Variants in SUCLG2 observed in about 807,000 individuals in gnomAD.
SUCLG2 encodes succinate--CoA ligase [GDP-forming] subunit beta, mitochondrial.
Under a neutral mutation model 47.9 loss-of-function variants are expected in SUCLG2, and 42 were observed. The ratio of observed to expected loss-of-function variants is 0.88; its 90% confidence interval spans 0.69 to 1.14. The LOEUF is 1.14. Among genes scored for constraint, SUCLG2 ranks in the 50% most tolerant of loss-of-function variants. The pLI is 0.00. For synonymous variants in SUCLG2, 195 were observed against 197.3 expected (o/e 0.99, Z 0.10); for missense variants, 571 against 525.9 (o/e 1.09, Z -0.84).
chr3:67,396,518 T>G (rs1416893085), intron 10 of SUCLG2, among the ~76,000 whole-genome samples: 1 of 152,120 alleles, frequency 6.6e-6, no homozygotes, highest in African/African-American at 2.4e-5. Flanking sequence ...TCTGAAATTG[T>G]GGCAATAATC....
At chr3:67,615,070 A>G (rs764412933) in intron 1 of SUCLG2, among the ~76,000 whole-genome samples, 8 of 152,174 alleles carry the variant, frequency 5.3e-5, no homozygotes, top group Non-Finnish European at 8.8e-5. Flanking sequence ...GGGGAAAAAT[A>G]CAACTTAAAA....
At chr3:67,386,103 A>C (rs561331396) in intron 10 of SUCLG2, among the ~76,000 whole-genome samples, 1 of 152,164 alleles carries the variant, frequency 6.6e-6, no homozygotes, top group South Asian at 2.1e-4. Context: ...TTATTTATTT[A>C]TTTGAGACGG....
chr3:67,394,390 G>A (rs926348218), intron 10 of SUCLG2, among the ~76,000 whole-genome samples: 7 of 150,142 alleles, frequency 4.7e-5, no homozygotes, highest in South Asian at 2.1e-4. Context: ...AGCCTCAGGA[G>A]CCGATGCGAT....
chr3:67,536,251 A>G (rs1706538341), intron 2 of SUCLG2, among the ~76,000 whole-genome samples: 3 of 152,248 alleles, frequency 2.0e-5, no homozygotes, highest in Admixed American at 2.0e-4. Flanking sequence ...AATGTATGCA[A>G]TATATACACT....
intron 1 of SUCLG2, among the ~76,000 whole-genome samples, chr3:67,632,278 G>A (rs1222951057): frequency 6.6e-6 from 1 of 152,056 alleles, no homozygotes; most frequent in Non-Finnish European, 1.5e-5. Context: ...CCCTTCTTGG[G>A]TTCAAGCAAT....
chr3:67,547,708 G>A (rs891655085), intron 2 of SUCLG2, among the ~76,000 whole-genome samples: 1 of 146,974 alleles, frequency 6.8e-6, no homozygotes, highest in Non-Finnish European at 1.5e-5. Context: ...TATGCAAAGG[G>A]AACAATTTTC....
chr3:67,641,300 G>C (rs1701096239), intron 1 of SUCLG2, among the ~76,000 whole-genome samples: 1 of 152,168 alleles, frequency 6.6e-6, no homozygotes, highest in African/African-American at 2.4e-5. Context: ...GAAAACAAGT[G>C]CTGGAAGCAT....
At chr3:67,434,503 G>T (rs1703567625) in intron 9 of SUCLG2, among the ~76,000 whole-genome samples, 1 of 152,126 alleles carries the variant, frequency 6.6e-6, no homozygotes, top group African/African-American at 2.4e-5. Flanking sequence ...ATTCCAGTCT[G>T]GTTCCTGTCT....
intron 6 of SUCLG2, among the ~76,000 whole-genome samples, chr3:67,512,825 G>A (rs1421938586): frequency 6.7e-6 from 1 of 150,046 alleles, no homozygotes; most frequent in African/African-American, 2.5e-5. Flanking sequence ...TCTACTTTGT[G>A]TCTATAAATT....
chr3:67,535,499 T>G lies in SUCLG2; in HGVS notation c.227-6313A>C, dbSNP rs540637380. On this transcript the variant is annotated intron_variant, in intron 2 of 10. Transcript: ENST00000307227. ...TCTCGTTGAAATCTGACCTCCAGTG[T>G]TGGAGGACAGGCCTAATGGGAGGTG... Among the ~76,000 whole-genome samples, 3 of 152,222 alleles carry G rather than the reference T, an allele frequency of 2.0e-5. No individual in the cohort carries two copies. In the South Asian group the frequency reaches 6.2e-4, roughly 32 times the overall value.
chr3:67,549,242 C>T (rs945545233), intron 2 of SUCLG2, among the ~76,000 whole-genome samples: 4 of 152,156 alleles, frequency 2.6e-5, no homozygotes, highest in Admixed American at 2.6e-4. Flanking sequence ...ATACCTGGAG[C>T]TTAAGACTGA....
intron 2 of SUCLG2, among the ~76,000 whole-genome samples, chr3:67,584,678 T>A (rs1449579865): frequency 6.6e-6 from 1 of 152,130 alleles, no homozygotes; most frequent in African/African-American, 2.4e-5. Flanking sequence ...GACTGAGTAA[T>A]TTACAAAGGA....
intron 9 of SUCLG2, among the ~76,000 whole-genome samples, chr3:67,460,251 C>G (rs1271904900): frequency 6.6e-6 from 1 of 152,076 alleles, no homozygotes; most frequent in East Asian, 1.9e-4. Flanking sequence ...GGTAATAACA[C>G]CTTAAATCTG....
intron 9 of SUCLG2, among the ~76,000 whole-genome samples, chr3:67,484,229 C>G (rs1211099971): frequency 6.6e-6 from 1 of 152,184 alleles, no homozygotes; most frequent in Non-Finnish European, 1.5e-5. Context: ...TTGCCTGACT[C>G]TGGTGAACAA....
At chr3:67,448,469 T>A (rs540893138) in intron 9 of SUCLG2, among the ~76,000 whole-genome samples, 2 of 152,242 alleles carry the variant, frequency 1.3e-5, no homozygotes, top group Admixed American at 6.5e-5. Flanking sequence ...CACTGCAACC[T>A]CTGCTCCCGG....
In SUCLG2 at chr3:67,434,027, T is replaced by C. The variant is rs191692275; in HGVS notation, c.1063-33176A>G. 3.3e-3 allele frequency among the ~76,000 whole-genome samples: 504 copies of C among 152,220 alleles called. 1 individual carries two copies. Among genetic ancestry groups the C allele is most frequent in the Admixed American group, 5.3e-3 (81 of 15,286 alleles). On this transcript the variant is annotated intron_variant, in intron 9 of 10. Transcript: ENST00000307227. Reference sequence around the variant, plus strand: ...GAGGCCACCACACATACACTAGAGGTTGACAAAGTGCATGAGAAGAAGCAG... The same window carrying C: ...GAGGCCACCACACATACACTAGAGGCTGACAAAGTGCATGAGAAGAAGCAG...
At chr3:67,521,432 C>A (rs1706099029) in intron 4 of SUCLG2, among the ~76,000 whole-genome samples, 2 of 152,148 alleles carry the variant, frequency 1.3e-5, no homozygotes, top group African/African-American at 4.8e-5. Flanking sequence ...ACTGCCTCAG[C>A]CAGGTGTCCT....
At chr3:67,573,065 T>C (rs1480601884) in intron 2 of SUCLG2, among the ~76,000 whole-genome samples, 1 of 152,166 alleles carries the variant, frequency 6.6e-6, no homozygotes, top group African/African-American at 2.4e-5. Context: ...AGTAATGCCA[T>C]TCACAGTAGC....
exon 11 of SUCLG2, chr3:67,360,754 T>C: frequency 6.6e-7 from 1 of 1,516,308 alleles, no homozygotes; most frequent in East Asian, 2.5e-5. Flanking sequence ...CTTCCTTTTT[T>C]TTCCATAAAA....
Sources: allele counts gnomAD v4.1 joint callset (sites outside exome capture counted in the v4.1 genomes callset), GRCh38; gene constraint gnomAD v4.1.1; transcripts MANE v1.5; gene names NCBI Gene and HGNC (gene_info 2026-07-23, HGNC 2026-07-21).